Variants in RBM38 observed in about 807,000 individuals in gnomAD.
RBM38 encodes RNA binding motif protein 38, also known as RNA-binding protein 38.
In RBM38, 11 loss-of-function variants were observed where a neutral mutation model predicts 23.5. That is an observed-to-expected ratio of 0.47 (90% confidence interval 0.29 to 0.77). The LOEUF is 0.77. Ranked by LOEUF, RBM38 falls within the 30% of genes least tolerant of loss-of-function variation. The probability of loss-of-function intolerance (pLI) is 0.08; values close to 1 mark genes in which losing one functional copy is unlikely to be tolerated. For synonymous variants in RBM38, 165 were observed against 166.1 expected (o/e 0.99, Z 0.05); for missense variants, 330 against 351.9 (o/e 0.94, Z 0.50).
rs1048858354 is a variant in RBM38 at position 57,407,970 on chromosome 20, C to T, written c.*124C>T. ...GAGGTGCCACCAGCACCCGTGCCTC[C>T]GAAGACCGCTCGGGCATTCCGCCTG... On this transcript the variant is annotated 3_prime_UTR_variant, in exon 4 of 4. Coordinates refer to ENST00000356208, the MANE Select transcript of RBM38 (RefSeq NM_017495.6). This position sits in a 1 kb window ranked among gnomAD's most constrained non-coding sequence, Gnocchi z 4.0. The T allele has an allele frequency of 1.7e-5, 21 of 1,241,966 alleles. No individual in the cohort carries two copies. The East Asian group carries it at 3.1e-4, about 18-fold the overall frequency. The allele number at this position is 1,241,966 out of a possible 1,614,324, so 76.9% of individuals were successfully genotyped here. A position where few individuals can be genotyped will look rare whatever the true frequency, so the allele number is the denominator to read the frequency against.
At chr20:57,397,314 C>T (rs1438319746) in intron 3 of RBM38, among the ~76,000 whole-genome samples, 1 of 152,236 alleles carries the variant, frequency 6.6e-6, no homozygotes, top group East Asian at 1.9e-4. Context: ...GCTGAGTTCA[C>T]ACATCCCAGG....
intron 2 of RBM38, 123 bp downstream of exon 2, chr20:57,392,900 C>A: frequency 7.4e-7 from 1 of 1,344,452 alleles, no homozygotes; most frequent in Non-Finnish European, 1.0e-6. Context: ...CATGTGCCTG[C>A]AGAGCCGGCA....
intron 3 of RBM38, among the ~76,000 whole-genome samples, chr20:57,399,681 G>A (rs942539830): frequency 6.6e-6 from 1 of 152,168 alleles, no homozygotes; most frequent in Non-Finnish European, 1.5e-5. Flanking sequence ...GTGGCTGGCT[G>A]CCCCACAGAA....
At chr20:57,398,010 T>C (rs1177038174) in intron 3 of RBM38, among the ~76,000 whole-genome samples, 3 of 151,968 alleles carry the variant, frequency 2.0e-5, no homozygotes, top group Non-Finnish European at 4.4e-5. Context: ...TGTAAGAATG[T>C]TGGTGTGTGT....
At chr20:57,397,539 A>G (rs533090012) in intron 3 of RBM38, among the ~76,000 whole-genome samples, 1 of 152,260 alleles carries the variant, frequency 6.6e-6, no homozygotes, top group Admixed American at 6.5e-5. Flanking sequence ...TCTGGTGCCC[A>G]CTGGGTAGTA....
chr20:57,399,107 C>T (rs2067302686), intron 3 of RBM38, among the ~76,000 whole-genome samples: 1 of 152,182 alleles, frequency 6.6e-6, no homozygotes, highest in Admixed American at 6.5e-5. Context: ...AGGAGGTCAG[C>T]ATGCCTCAGA....
At chr20:57,406,282 C>G (rs2067382545) in intron 3 of RBM38, among the ~76,000 whole-genome samples, 1 of 152,218 alleles carries the variant, frequency 6.6e-6, no homozygotes, top group African/African-American at 2.4e-5. Context: ...CTCCCTGAGC[C>G]TCATTTCCCC....
intron 3 of RBM38, among the ~76,000 whole-genome samples, chr20:57,396,084 C>T (rs2067272298): frequency 6.6e-6 from 1 of 152,266 alleles, no homozygotes; most frequent in African/African-American, 2.4e-5. Context: ...GTGGAATCTT[C>T]TTCGCCTGGC....
intron 3 of RBM38, among the ~76,000 whole-genome samples, chr20:57,404,362 A>G (rs1395544910): frequency 1.3e-5 from 2 of 152,134 alleles, no homozygotes; most frequent in Admixed American, 6.6e-5. Context: ...TTGCGGGGAG[A>G]TGTCTGAGGC....
In RBM38 at chr20:57,409,140, G is replaced by A. The variant is rs1193133471; in HGVS notation, c.*1294G>A. On this transcript the variant is annotated 3_prime_UTR_variant, in exon 4 of 4. Transcript: ENST00000356208. ...TGGAGGAGGGGACATGAGGTGAGAG[G>A]TATCCTGGCCGAGGGCGGGGGGCAG... 3 of 152,104 alleles carry A rather than the reference G, an allele frequency of 2.0e-5. 1 individual carries two copies. Among genetic ancestry groups the A allele is most frequent in the Admixed American group, 1.3e-4 (2 of 15,242 alleles). The allele number at this position is 152,104 out of a possible 1,614,324, so 9.4% of individuals were successfully genotyped here.
At position 57,407,653 on chromosome 20, in the gene RBM38, G is replaced by A; in HGVS notation, c.527G>A (p.Ser176Asn). 6.2e-7 allele frequency: 1 copy of A among 1,613,386 alleles called. No individual in the cohort carries two copies. The highest frequency in any genetic ancestry group is 8.5e-7 in the Non-Finnish European group (1 of 1,179,836). The change falls in exon 4 of 4, where the codon AGC becomes AAC. Residue 176 changes from serine to asparagine, a missense_variant. By Grantham distance (46) the Ser-to-Asn change is conservative (BLOSUM62 1). Around this residue, in one of 3 missense-constraint regions of RBM38, gnomAD observed 227 missense variants for 216.4 expected, o/e 1.05. Transcript: ENST00000356208. The surrounding 1 kb of genome is among the most constrained non-coding windows in gnomAD (Gnocchi z 4.0). ...CCCTACATTGAGTACACGCCGGCCA[G>A]CCCGGCCTACGCCCAGTACCCACCG... ...SSPYIEYTPA[S>N]PAYAQYPPAT...
In RBM38 at chr20:57,407,060, A is replaced by T. The variant is rs2067393006; in HGVS notation, c.417-483A>T. Among the ~76,000 whole-genome samples the T allele has an allele frequency of 6.7e-6, 1 of 150,316 alleles. No homozygotes were observed. The highest frequency in any genetic ancestry group is 6.6e-5 in the Admixed American group (1 of 15,202). On this transcript the variant is annotated intron_variant, in intron 3 of 3. Coordinates refer to ENST00000356208, the MANE Select transcript of RBM38 (RefSeq NM_017495.6). The surrounding 1 kb of genome is among the most constrained non-coding windows in gnomAD (Gnocchi z 4.0). ...GGCTGGGAGAGCAGGCGTGTACATG[A>T]GCCAAGTGTGCAGTGTCACTTGGTG...
At chr20:57,399,940 G>A (rs1372919428) in intron 3 of RBM38, 1 of 456,358 alleles carries the variant, frequency 2.2e-6, no homozygotes, top group Non-Finnish European at 4.4e-6. Context: ...GCGACTTTAT[G>A]TTCAGAAAAT....
chr20:57,392,193 T>A, intron 1 of RBM38: 1 of 324,204 alleles, frequency 3.1e-6, no homozygotes, highest in Non-Finnish European at 6.0e-6. Context: ...CTCTTCGGCC[T>A]CCCCCATATT....
intron 2 of RBM38, 50 bp downstream of exon 2, chr20:57,392,827 T>C: frequency 1.3e-6 from 2 of 1,588,446 alleles, no homozygotes; most frequent in Non-Finnish European, 8.6e-7. Flanking sequence ...CTATATTGGG[T>C]GTCGGTATCT....
chr20:57,399,161 T>C (rs1162378526), intron 3 of RBM38, among the ~76,000 whole-genome samples: 1 of 152,086 alleles, frequency 6.6e-6, no homozygotes, highest in Non-Finnish European at 1.5e-5. Flanking sequence ...CCGGGGAGGC[T>C]CAGGGCCCGA....
rs767638060 is a variant in RBM38 at position 57,407,656 on chromosome 20, C to T, written c.530C>T (p.Pro177Leu). ...TACATTGAGTACACGCCGGCCAGCC[C>T]GGCCTACGCCCAGTACCCACCGGCC... is the stretch of plus-strand genomic sequence containing the variant. ...SPYIEYTPAS[P>L]AYAQYPPATY... Residue 177 changes from proline (P) to leucine (L), a missense_variant, in exon 4 of 4, where the codon CCG (proline) becomes CTG (leucine). By Grantham distance (98) the Pro-to-Leu change is moderately conservative. This residue lies in a region of RBM38 where 227 missense variants were observed against 216.4 expected (regional missense o/e 1.05). Coordinates refer to ENST00000356208, the MANE Select transcript of RBM38 (RefSeq NM_017495.6). This position sits in a 1 kb window ranked among gnomAD's most constrained non-coding sequence, Gnocchi z 4.0. 9.3e-6 allele frequency: 15 copies of T among 1,613,266 alleles called. No homozygotes were observed. The highest frequency in any genetic ancestry group is 8.0e-5 in the African/African-American group (6 of 74,934).
At position 57,407,123 on chromosome 20, in the gene RBM38, C is replaced by T. The variant is rs1464091723; in HGVS notation, c.417-420C>T. On this transcript the variant is annotated intron_variant, in intron 3 of 3. Transcript: ENST00000356208. The surrounding 1 kb of genome is among the most constrained non-coding windows in gnomAD (Gnocchi z 4.0). ...CAGGGAGATGAGCAGGGAAGGGGGA[C>T]AGGGCTGGCCTCCCAGACATGCAAC... Among the ~76,000 whole-genome samples, 2 of 152,080 alleles carry T rather than the reference C, an allele frequency of 1.3e-5. No individual in the cohort carries two copies. Among genetic ancestry groups the T allele is most frequent in the African/African-American group, 4.8e-5 (2 of 41,416 alleles).
At chr20:57,398,098 A>G (rs901423624) in intron 3 of RBM38, among the ~76,000 whole-genome samples, 2 of 152,190 alleles carry the variant, frequency 1.3e-5, no homozygotes, top group Non-Finnish European at 2.9e-5. Context: ...GGTTTTGCTC[A>G]TGTCCTTAGT....
Sources: allele counts gnomAD v4.1 joint callset (sites outside exome capture counted in the v4.1 genomes callset), GRCh38; gene constraint gnomAD v4.1.1; regional missense constraint gnomAD v4.1.1; non-coding constraint Gnocchi (gnomAD v3.1); transcripts MANE v1.5; gene names NCBI Gene and HGNC (gene_info 2026-07-23, HGNC 2026-07-21).